The following GRXCR1 variants were observed in gnomAD, a reference collection of about 807,000 sequenced individuals.
GRXCR1 encodes glutaredoxin and cysteine rich domain containing 1.
A neutral mutation model predicts 27.3 loss-of-function variants in GRXCR1; 27 were observed. That is an observed-to-expected ratio of 0.99 (90% confidence interval 0.73 to 1.37). The LOEUF (loss-of-function observed/expected upper bound fraction) is 1.37, where lower values mean the gene tolerates loss of function less well. Among genes scored for constraint, GRXCR1 ranks in the 40% most tolerant of loss-of-function variants. The probability of loss-of-function intolerance (pLI) is 0.00; values close to 1 mark genes in which losing one functional copy is unlikely to be tolerated. For missense variants in GRXCR1, 379 were observed against 354.4 expected (o/e 1.07, Z -0.56); for synonymous variants, 122 against 131.1 (o/e 0.93, Z 0.47).
intron 2 of GRXCR1, among the ~76,000 whole-genome samples, chr4:42,996,369 G>A (rs1712159147): frequency 6.6e-6 from 1 of 152,086 alleles, no homozygotes; most frequent in Non-Finnish European, 1.5e-5. Context: ...CAAAATGACA[G>A]GGAACAAAGC....
At chr4:43,008,249 A>G (rs1712628394) in intron 2 of GRXCR1, among the ~76,000 whole-genome samples, 1 of 152,080 alleles carries the variant, frequency 6.6e-6, no homozygotes. Flanking sequence ...CATTGCATGG[A>G]TAGGTTTTCT....
chr4:42,901,219 C>A (rs763089962), intron 1 of GRXCR1, among the ~76,000 whole-genome samples: 14 of 152,110 alleles, frequency 9.2e-5, no homozygotes, highest in Non-Finnish European at 2.1e-4. Context: ...TACTACTCAC[C>A]CGGTGTATTA....
intron 1 of GRXCR1, among the ~76,000 whole-genome samples, chr4:42,929,137 C>T (rs1747240289): frequency 6.6e-6 from 1 of 151,972 alleles, no homozygotes; most frequent in Admixed American, 6.6e-5. Context: ...GTCTTCAGCA[C>T]TCTCTTATTA....
At chr4:42,954,990 G>A (rs981142516) in intron 1 of GRXCR1, among the ~76,000 whole-genome samples, 2 of 152,086 alleles carry the variant, frequency 1.3e-5, no homozygotes, top group African/African-American at 4.8e-5. Context: ...TAACTATAGA[G>A]GTTTACAGAA....
At chr4:43,025,577 A>G (rs1204400709) in intron 3 of GRXCR1, among the ~76,000 whole-genome samples, 2 of 152,242 alleles carry the variant, frequency 1.3e-5, no homozygotes, top group African/African-American at 4.8e-5. Flanking sequence ...GAGAGGAGAC[A>G]CAGTCTGTAG....
intron 2 of GRXCR1, 41 bp downstream of exon 2, chr4:42,963,175 A>G (rs772340312): frequency 1.9e-6 from 3 of 1,602,962 alleles, no homozygotes; most frequent in African/African-American, 1.3e-5. Flanking sequence ...ATAGAACCCA[A>G]CCAGGGCTGA....
chr4:42,970,857 A>T (rs894207569), intron 2 of GRXCR1, among the ~76,000 whole-genome samples: 4 of 152,094 alleles, frequency 2.6e-5, no homozygotes, highest in African/African-American at 9.7e-5. Context: ...TTTCTACCAC[A>T]TGGTCAGGCT....
chr4:42,916,615 T>C (rs989082429), intron 1 of GRXCR1, among the ~76,000 whole-genome samples: 1 of 152,136 alleles, frequency 6.6e-6, no homozygotes, highest in Non-Finnish European at 1.5e-5. Context: ...GTTGCATTCT[T>C]CTGGGGGCAT....
intron 1 of GRXCR1, among the ~76,000 whole-genome samples, chr4:42,904,894 G>A (rs1255182827): frequency 1.3e-5 from 2 of 152,102 alleles, no homozygotes; most frequent in South Asian, 4.1e-4. Context: ...AAGGAACAGA[G>A]GTGGGACATC....
chr4:42,993,299 A>G (rs1251115150), intron 2 of GRXCR1, among the ~76,000 whole-genome samples: 2 of 151,964 alleles, frequency 1.3e-5, no homozygotes, highest in Non-Finnish European at 2.9e-5. Context: ...TTTTCTGGAC[A>G]TGGGGATATT....
chr4:43,024,020 C>T (rs1476143360), intron 3 of GRXCR1, among the ~76,000 whole-genome samples: 1 of 151,968 alleles, frequency 6.6e-6, no homozygotes, highest in East Asian at 1.9e-4. Flanking sequence ...GCAGGGAGAG[C>T]CAGGGGAGTG....
chr4:42,954,152 A>C (rs1747946939), intron 1 of GRXCR1, among the ~76,000 whole-genome samples: 1 of 152,174 alleles, frequency 6.6e-6, no homozygotes. Context: ...ATGTGTGTGG[A>C]TAGATAGTGA....
chr4:42,978,911 C>T (rs1391781124), intron 2 of GRXCR1, among the ~76,000 whole-genome samples: 1 of 152,024 alleles, frequency 6.6e-6, no homozygotes, highest in African/African-American at 2.4e-5. Context: ...TGAGTGAGTT[C>T]TCACGAGATC....
intron 3 of GRXCR1, among the ~76,000 whole-genome samples, chr4:43,021,652 C>T (rs191803231): frequency 7.3e-4 from 111 of 152,120 alleles, no homozygotes; most frequent in East Asian, 3.1e-3. Flanking sequence ...CAGTTTTTGT[C>T]GTAATACAAA....
At position 43,030,645 on chromosome 4, in the gene GRXCR1, T is replaced by A; in HGVS notation, c.*105T>A. 3 of 908,340 alleles carry A rather than the reference T, an allele frequency of 3.3e-6. No homozygotes were observed. Among genetic ancestry groups the A allele is most frequent in the Non-Finnish European group, 3.5e-6 (2 of 576,690 alleles). 56.3% of individuals were successfully genotyped at this position (908,340 alleles called of 1,614,324 possible). The stretch of plus-strand genomic sequence containing the variant: ...TATGTTTATGGATTAATCAATAAAC[T>A]TTGTTTATTATAATTGTCTTTGTGG... On this transcript the variant is annotated 3_prime_UTR_variant, in exon 4 of 4. Coordinates refer to ENST00000399770, the MANE Select transcript of GRXCR1 (RefSeq NM_001080476.3).
chr4:42,953,387 T>C (rs1043707932), intron 1 of GRXCR1, among the ~76,000 whole-genome samples: 4 of 152,164 alleles, frequency 2.6e-5, no homozygotes, highest in Admixed American at 6.5e-5. Context: ...CCTTTGAACC[T>C]GACACCATGT....
At chr4:42,982,878 C>T (rs1711536847) in intron 2 of GRXCR1, among the ~76,000 whole-genome samples, 1 of 151,320 alleles carries the variant, frequency 6.6e-6, no homozygotes, top group African/African-American at 2.4e-5. Flanking sequence ...CTGTTCATGT[C>T]CTTCGCCCAC....
chr4:42,895,913 G>C (rs774469206), intron 1 of GRXCR1, among the ~76,000 whole-genome samples: 18 of 152,006 alleles, frequency 1.2e-4, no homozygotes, highest in Non-Finnish European at 2.6e-4. Context: ...CAAAGTAAGC[G>C]GTAAACTTGA....
chr4:42,978,310 T>C (rs1473302895), intron 2 of GRXCR1, among the ~76,000 whole-genome samples: 9 of 152,094 alleles, frequency 5.9e-5, no homozygotes, highest in African/African-American at 1.9e-4. Flanking sequence ...TCATTCCATA[T>C]GAATTTTAGG....
Sources: allele counts gnomAD v4.1 joint callset (sites outside exome capture counted in the v4.1 genomes callset), GRCh38; gene constraint gnomAD v4.1.1; transcripts MANE v1.5; gene names NCBI Gene and HGNC (gene_info 2026-07-23, HGNC 2026-07-21).